The following MUC3A variants were observed in gnomAD, a reference collection of about 807,000 sequenced individuals.
The protein encoded by MUC3A is mucin-3A.
Under a neutral mutation model 109.0 loss-of-function variants are expected in MUC3A, and 109 were observed. That is an observed-to-expected ratio of 1.00 (90% CI 0.86 to 1.17). The LOEUF (loss-of-function observed/expected upper bound fraction) is 1.17. Among genes scored for constraint, MUC3A ranks in the 50% most tolerant of loss-of-function variants. The probability of loss-of-function intolerance (pLI) is 0.00; values close to 1 mark genes in which losing one functional copy is unlikely to be tolerated. For missense variants in MUC3A, 3,537 were observed against 2,469.4 expected, an observed-to-expected ratio of 1.43 and a Z score of -9.16; for synonymous variants, 1,398 against 981.4, an observed-to-expected ratio of 1.42 and a Z score of -7.93.
rs751065080 is a variant in MUC3A, at chr7:100,952,055, C to T, written c.276C>T (p.Leu92=). 5.0e-6 allele frequency: 8 copies of T among 1,598,678 alleles called. No individual in the cohort carries two copies. Among genetic ancestry groups the T allele is most frequent in the African/African-American group, 1.3e-5 (1 of 75,086 alleles). ...ACACACTCATCTCTGAAACATTGCT[C>T]AACTCTCCAGTCAGTTCCAACACCT... ...PHDTLISETL[L]NSPVSSNTST... is the part of the protein sequence containing the mutation. The change falls in exon 2 of 12, where the codon CTC becomes CTT. Residue 92 remains leucine, a synonymous_variant. Transcript: ENST00000379458.
intron 4 of MUC3A, 118 bp from the exon 5 acceptor site, chr7:100,963,570 C>G: frequency 6.6e-7 from 1 of 1,506,644 alleles, no homozygotes; most frequent in Non-Finnish European, 9.0e-7. Context: ...CAGGCGTGAG[C>G]CACGGCACCC....
At chr7:100,964,144 A>T (rs1428581527) in intron 5 of MUC3A, 8 of 3,794 alleles carry the variant, frequency 2.1e-3, no homozygotes, top group Admixed American at 0.026. Flanking sequence ...TGCAACAAGA[A>T]GAGAACGTCA....
In MUC3A at chr7:100,957,198, G is replaced by T; in HGVS notation, c.5419G>T (p.Glu1807Ter). 1 of 470,808 alleles carries T rather than the reference G, an allele frequency of 2.1e-6. No homozygotes were observed. Among genetic ancestry groups the T allele is most frequent in the Non-Finnish European group, 3.7e-6 (1 of 270,472 alleles). 29.2% of individuals were successfully genotyped at this position (470,808 alleles called of 1,614,324 possible). The change falls in exon 2 of 12, where the codon GAA becomes TAA. Residue 1807 changes from glutamate (E) to a stop codon, truncating the protein, a stop_gained. Coordinates refer to ENST00000379458, the MANE Select transcript of MUC3A (RefSeq NM_005960.2). LOFTEE classifies it high-confidence loss of function. ...ATCTTCTACGCCTGTCCCAAGTACA[G>T]AAGCGATCACCAGTGGTACCACAAA... ...VSSSTPVPST[E>*]AITSGTTNTT...
In MUC3A at chr7:100,960,798, C is replaced by T. The variant is rs1383721446; in HGVS notation, c.8913C>T (p.Cys2971=). The change falls in exon 3 of 12, where the codon TGC becomes TGT. Residue 2971 remains cysteine (C), a synonymous_variant. Transcript: ENST00000379458. The part of the protein sequence containing the change: ...GGTWEQGQCA[C]LPGFSGDRCQ... ...CCTGGGAACAGGGCCAGTGTGCTTG[C>T]CTTCCGGGGTTTTCTGGGGACCGCT... 6.3e-6 allele frequency: 10 copies of T among 1,598,520 alleles called. No individual in the cohort carries two copies. Among genetic ancestry groups the T allele is most frequent in the Non-Finnish European group, 7.6e-6 (9 of 1,179,810 alleles).
At position 100,959,337 on chromosome 7, in the gene MUC3A, C is replaced by T. The variant is rs1396612915; in HGVS notation, c.7558C>T (p.Pro2520Ser). Residue 2520 changes from proline to serine, a missense_variant, in exon 2 of 12, where the codon CCA becomes TCA. Transcript: ENST00000379458. ...PSIPTDISTL[P>S]TRTHIISSSP... ...TATACCCACTGATATCAGTACCTTA[C>T]CAACTCGAACACACATCATTTCATC... 1 of 1,551,830 alleles carries T rather than the reference C, an allele frequency of 6.4e-7. No individual in the cohort carries two copies. The highest frequency in any genetic ancestry group is 1.2e-5 in the South Asian group (1 of 81,652).
At position 100,960,786 on chromosome 7, in the gene MUC3A, C is replaced by G. The variant is rs2904852; in HGVS notation, c.8901C>G (p.Gly2967=). Residue 2967 remains glycine, a synonymous_variant, in exon 3 of 12, where the codon GGC becomes GGG. Transcript: ENST00000379458. ...ACAATGGTGGCACCTGGGAACAGGG[C>G]CAGTGTGCTTGCCTTCCGGGGTTTT... ...TCDNGGTWEQ[G]QCACLPGFSG... 1 of 1,594,954 alleles carries G rather than the reference C, an allele frequency of 6.3e-7. No individual in the cohort carries two copies. Among genetic ancestry groups the G allele is most frequent in the Non-Finnish European group, 8.5e-7 (1 of 1,177,682 alleles).
chr7:100,963,126 C>T, intron 3 of MUC3A, 25 bp from the exon 4 acceptor site: 2 of 1,594,896 alleles, frequency 1.3e-6, no homozygotes, highest in Non-Finnish European at 1.7e-6. Flanking sequence ...AGAGAAGTGA[C>T]TGGGGACATG....
chr7:100,965,355 T>A lies in MUC3A; in HGVS notation c.9448+8T>A, dbSNP rs772689420. The A allele has an allele frequency of 7.3e-5, 117 of 1,596,902 alleles. No individual in the cohort carries two copies. The African/African-American group carries it at 1.5e-3, about 20-fold the overall frequency. On this transcript the variant is annotated splice_region_variant and intron_variant, in intron 7 of 11. Coordinates refer to ENST00000379458, the MANE Select transcript of MUC3A (RefSeq NM_005960.2). ...CAGAGCTGACCCCGGCAGGTAAGGGTGGGGTAAAGGGCTGAGTGGTCTCCC... is the reference window on the plus strand; with the variant it reads ...CAGAGCTGACCCCGGCAGGTAAGGGAGGGGTAAAGGGCTGAGTGGTCTCCC...
rs1235776759 is a variant in MUC3A, at chr7:100,954,969, C to A, written c.3190C>A (p.Pro1064Thr). 7.3e-6 allele frequency: 4 copies of A among 548,382 alleles called. No individual in the cohort carries two copies. The highest frequency in any genetic ancestry group is 1.3e-5 in the Non-Finnish European group (4 of 312,724). 34.0% of individuals were successfully genotyped at this position (548,382 alleles called of 1,614,324 possible). A position where few individuals can be genotyped will look rare whatever the true frequency, so the allele number is the denominator to read the frequency against. Residue 1064 changes from proline to threonine, a missense_variant, in exon 2 of 12, where the codon CCT becomes ACT. Pro to Thr is a conservative substitution (Grantham distance 38). Transcript: ENST00000379458. ...CACCAGTCATACCACAAACACCACC[C>A]CTCTATCCACCTTGGTGACTACACT... The part of the protein sequence containing the change: ...MITSHTTNTT[P>T]LSTLVTTLLT...
intron 1 of MUC3A, 62 bp from the exon 2 acceptor site, chr7:100,951,776 TGAG>T: frequency 1.3e-6 from 2 of 1,565,608 alleles, no homozygotes; most frequent in South Asian, 1.2e-5. Flanking sequence ...GTAGCTTACA[TGAG>T]TGATGTAACA....
rs771893215 is a variant in MUC3A at position 100,952,220 on chromosome 7, C to T, written c.441C>T (p.Thr147=). 1 of 1,598,556 alleles carries T rather than the reference C, an allele frequency of 6.3e-7. No homozygotes were observed. The highest frequency in any genetic ancestry group is 1.1e-5 in the South Asian group (1 of 91,092). The change falls in exon 2 of 12, where the codon ACC becomes ACT. Residue 147 remains threonine, a synonymous_variant. Transcript: ENST00000379458. The part of the protein sequence containing the change: ...TISHPTSICV[T]TTQVAFTSSY... ...CCCACCCCACCTCCATCTGTGTGAC[C>T]ACGACGCAGGTGGCCTTCACCAGCT... is the stretch of plus-strand genomic sequence containing the variant.
In MUC3A at chr7:100,966,735, A is replaced by C. The variant is rs753332497; in HGVS notation, c.9869A>C (p.Asp3290Ala). ...GTFSNWGFED[D>A]GTDKDTNFYV... ...TTTTCAAACTGGGGTTTCGAGGACGACGGAACAGGTGAGTCCTGCCTCCTG... is the reference window on the plus strand; with the variant it reads ...TTTTCAAACTGGGGTTTCGAGGACGCCGGAACAGGTGAGTCCTGCCTCCTG... The change falls in exon 10 of 12, where the codon GAC becomes GCC. Residue 3290 changes from aspartate to alanine, a missense_variant. Coordinates refer to ENST00000379458, the MANE Select transcript of MUC3A (RefSeq NM_005960.2). 2.2e-5 allele frequency: 35 copies of C among 1,598,418 alleles called. No individual in the cohort carries two copies. In the African/African-American group the frequency reaches 4.1e-4, roughly 19 times the overall value.
rs1275009407 is a variant in MUC3A, at chr7:100,959,230, T to C, written c.7451T>C (p.Ile2484Thr). The C allele has an allele frequency of 6.3e-7, 1 of 1,598,356 alleles. No individual in the cohort carries two copies. The highest frequency in any genetic ancestry group is 1.1e-5 in the South Asian group (1 of 91,072). ...ACCCCATCTTCTCTGAGTACAGACA[T>C]CCCGACCACAAGCCTACGAACTCTC... ...PVTPSSLSTD[I>T]PTTSLRTLTP... Residue 2484 changes from isoleucine to threonine, a missense_variant, in exon 2 of 12, where the codon ATC (isoleucine) becomes ACC (threonine). Ile to Thr is a moderately conservative substitution (Grantham distance 89). Transcript: ENST00000379458.
rs1386258027 is a variant in MUC3A, at chr7:100,955,645, C to G, written c.3866C>G (p.Ser1289Cys). 4 of 446,562 alleles carry G rather than the reference C, an allele frequency of 9.0e-6. No homozygotes were observed. Among genetic ancestry groups the G allele is most frequent in the Non-Finnish European group, 1.6e-5 (4 of 257,112 alleles). 27.7% of individuals were successfully genotyped at this position (446,562 alleles called of 1,614,324 possible). Residue 1289 changes from serine (S) to cysteine (C), a missense_variant, in exon 2 of 12, where the codon TCT (serine) becomes TGT (cysteine). Ser to Cys is a moderately radical substitution (Grantham distance 112). Transcript: ENST00000379458. ...TTFPSTYSFS[S>C]SMSASSAGTT... ...TTCCCAAGTACATATTCATTTTCAT[C>G]TTCCATGTCTGCCAGCAGTGCAGGG...
In MUC3A at chr7:100,964,928, G is replaced by T. The variant is rs587705920; in HGVS notation, c.9382+85G>T. On this transcript the variant is annotated intron_variant, in intron 6 of 11. Transcript: ENST00000379458. ...TCAGCCAGGGGGCCACTGGGCTCAGGTGCCAGCCCTGTGGTACCTCTGGCA... is the reference window on the plus strand; with the variant it reads ...TCAGCCAGGGGGCCACTGGGCTCAGTTGCCAGCCCTGTGGTACCTCTGGCA... The T allele has an allele frequency of 3.4e-6, 5 of 1,491,130 alleles. No individual in the cohort carries two copies. The African/African-American group carries it at 5.5e-5, about 17-fold the overall frequency. 92.4% of individuals were successfully genotyped at this position (1,491,130 alleles called of 1,614,324 possible).
chr7:100,964,431 G>C, intron 5 of MUC3A: 1 of 518,714 alleles, frequency 1.9e-6, no homozygotes, highest in Non-Finnish European at 3.2e-6. Context: ...CTGCACTCCA[G>C]CCTGGGTGAC....
Position 100,966,278 on chromosome 7 carries a change from T to C in MUC3A, c.9612-108T>C, listed in dbSNP as rs1053812596. On this transcript the variant is annotated intron_variant, in intron 8 of 11. Coordinates refer to ENST00000379458, the MANE Select transcript of MUC3A (RefSeq NM_005960.2). ...CCTTGTCTAGGGTGGAACCCCCCGC[T>C]GCCCTAGGCTGGAGCCCCGCCCCCT... 5.3e-5 allele frequency: 45 copies of C among 855,700 alleles called. No individual in the cohort carries two copies. The South Asian group carries it at 1.9e-3, about 36-fold the overall frequency. 53.0% of individuals were successfully genotyped at this position (855,700 alleles called of 1,614,324 possible). A position where few individuals can be genotyped will look rare whatever the true frequency, so the allele number is the denominator to read the frequency against.
chr7:100,961,008 C>G, intron 3 of MUC3A, 71 bp downstream of exon 3: 2 of 1,594,218 alleles, frequency 1.3e-6, no homozygotes, highest in Non-Finnish European at 1.7e-6. Context: ...AGACTTATCC[C>G]TCTGTGGGGC....
At chr7:100,963,942 C>T in intron 5 of MUC3A, 190 bp downstream of exon 5, 2 of 786,412 alleles carry the variant, frequency 2.5e-6, no homozygotes, top group Non-Finnish European at 4.1e-6. Context: ...AGGGGTGGCA[C>T]CTCTCTTCTT....
Sources: gnomAD v4.1 joint callset for allele counts on GRCh38, gnomAD v4.1.1 for gene constraint, MANE v1.5 for transcripts, NCBI Gene and HGNC (gene_info 2026-07-23, HGNC 2026-07-21) for gene names.